Variants in TBX6 observed in about 807,000 individuals in gnomAD.
TBX6 encodes T-box transcription factor 6.
Under a neutral mutation model 42.3 loss-of-function variants are expected in TBX6, and 29 were observed. That is an observed-to-expected ratio of 0.69 (90% CI 0.51 to 0.93). The LOEUF (loss-of-function observed/expected upper bound fraction) is 0.93. Ranked by LOEUF, TBX6 falls within the 40% of genes least tolerant of loss-of-function variation. TBX6 has a pLI of 0.00. For missense variants in TBX6, 569 were observed against 603.3 expected (o/e 0.94, Z 0.59); for synonymous variants, 249 against 245.1 (o/e 1.02, Z -0.15).
In TBX6 at chr16:30,090,931, C is replaced by T. The variant is rs1343460230; in HGVS notation, c.180G>A (p.Leu60=). 6.2e-7 allele frequency: 1 copy of T among 1,613,118 alleles called. No individual in the cohort carries two copies. Among genetic ancestry groups the T allele is most frequent in the South Asian group, 1.1e-5 (1 of 91,060 alleles). The change falls in exon 3 of 9, where the codon CTG becomes CTA. Residue 60 remains leucine (L), a synonymous_variant. Coordinates refer to ENST00000395224, the MANE Select transcript of TBX6 (RefSeq NM_004608.4). ...GAAGGGGCAGAGGTGGGTGCGCGGCCAGGGTGCGGGGAGCAGCCTCCATCC... is the reference window on the plus strand; with the variant it reads ...GAAGGGGCAGAGGTGGGTGCGCGGCTAGGGTGCGGGGAGCAGCCTCCATCC... ...LSGMEAAPRT[L]AAHPPLPLLP...
chr16:30,088,967 G>C lies in TBX6; in HGVS notation c.597C>G (p.Asn199Lys), dbSNP rs2072681128. The change falls in exon 4 of 9, where the codon AAC becomes AAG. Residue 199 changes from asparagine to lysine, a missense_variant. Transcript: ENST00000395224. This position sits in a 1 kb window ranked among gnomAD's most constrained non-coding sequence, Gnocchi z 4.1. The stretch of plus-strand genomic sequence containing the variant: ...CGTGGCCGTGGGGGTCCAGCGTGCT[G>C]TTGGTGAGCTTGACACGATGGAAAG... ...PVSFHRVKLTNSTLDPHGHLI... is the reference protein window; with the variant it reads ...PVSFHRVKLTKSTLDPHGHLI... The C allele has an allele frequency of 6.2e-7, 1 of 1,611,678 alleles. No homozygotes were observed. Among genetic ancestry groups the C allele is most frequent in the Non-Finnish European group, 8.5e-7 (1 of 1,178,250 alleles).
rs188326528 is a variant in TBX6 at position 30,086,062 on chromosome 16, G to T, written c.*163C>A. On this transcript the variant is annotated 3_prime_UTR_variant, in exon 9 of 9. Coordinates refer to ENST00000395224, the MANE Select transcript of TBX6 (RefSeq NM_004608.4). The surrounding 1 kb of genome is among the most constrained non-coding windows in gnomAD (Gnocchi z 4.6). ...GCCTTGGTTAGGCTTTGAAGCCAGA[G>T]GGGGGTGGGAGTGAAATCAAGGTGT... 1 of 664,124 alleles carries T rather than the reference G, an allele frequency of 1.5e-6. No individual in the cohort carries two copies. The highest frequency in any genetic ancestry group is 2.5e-6 in the Non-Finnish European group (1 of 400,818). The allele number at this position is 664,124 out of a possible 1,614,324, so 41.1% of individuals were successfully genotyped here. A position where few individuals can be genotyped will look rare whatever the true frequency, so the allele number is the denominator to read the frequency against.
At position 30,086,405 on chromosome 16, in the gene TBX6, C is replaced by A. The variant is rs1456176053; in HGVS notation, c.1131G>T (p.Gly377=). 6.5e-7 allele frequency: 1 copy of A among 1,548,750 alleles called. No homozygotes were observed. The highest frequency in any genetic ancestry group is 8.7e-7 in the Non-Finnish European group (1 of 1,154,874). Residue 377 remains glycine, a synonymous_variant, in exon 9 of 9, where the codon GGG becomes GGT. Transcript: ENST00000395224. This position sits in a 1 kb window ranked among gnomAD's most constrained non-coding sequence, Gnocchi z 4.6. ...ATGCAGCCGAGTAGGGGGCTGAGCG[C>A]CCGGAGTCTGGAGCCTCCGGGAAGC... ...SPSFPEAPDS[G]RSAPYSAAFL...
In TBX6 at chr16:30,088,903, AC is replaced by A. The variant is rs1014115666; in HGVS notation, c.621+39del. 6.2e-6 allele frequency: 10 copies of A among 1,600,752 alleles called. No individual in the cohort carries two copies. Among genetic ancestry groups the A allele is most frequent in the African/African-American group, 5.4e-5 (4 of 74,616 alleles). On this transcript the variant is annotated intron_variant, in intron 4 of 8. Coordinates refer to ENST00000395224, the MANE Select transcript of TBX6 (RefSeq NM_004608.4). The surrounding 1 kb of genome is among the most constrained non-coding windows in gnomAD (Gnocchi z 4.1). ...CCTCACCCTTGGCCTCCCTTCCAGC[AC>A]CCCCCAACCCTATCCTGGAGTCCCA...
chr16:30,086,636 C>G lies in TBX6; in HGVS notation c.973G>C (p.Glu325Gln). The G allele has an allele frequency of 2.5e-6, 4 of 1,607,110 alleles. No homozygotes were observed. The highest frequency in any genetic ancestry group is 3.4e-6 in the Non-Finnish European group (4 of 1,177,512). ...GCTTCCCCGGGGGCTGGGGCCTGTT[C>G]TGGATCTGATTCACGAATGTCTCCA... ...LGGDIRESDP[E>Q]QAPAPGEATA... The change falls in exon 8 of 9, where the codon GAA (glutamate) becomes CAA (glutamine). Residue 325 changes from glutamate (E) to glutamine (Q), a missense_variant. By Grantham distance (29) the Glu-to-Gln change is conservative. This residue lies in a region of TBX6 where 245 missense variants were observed against 227.4 expected (regional missense o/e 1.08). Transcript: ENST00000395224. The surrounding 1 kb of genome is among the most constrained non-coding windows in gnomAD (Gnocchi z 4.6).
chr16:30,087,930 TTTTC>T (rs1175098184), intron 6 of TBX6: 4 of 139,026 alleles, frequency 2.9e-5, no homozygotes, highest in African/African-American at 5.1e-5. Flanking sequence ...CAGAGTTTTC[TTTTC>T]TTTCTTTTTT....
rs746661158 is a variant in TBX6 at position 30,088,870 on chromosome 16, G to GC, written c.622-32dup. On this transcript the variant is annotated intron_variant, in intron 4 of 8. Coordinates refer to ENST00000395224, the MANE Select transcript of TBX6 (RefSeq NM_004608.4). This position sits in a 1 kb window ranked among gnomAD's most constrained non-coding sequence, Gnocchi z 4.1. ...AGGGAGGAAATGGGAGTGATTCCCT[G>GC]CCCTGCGCCTCACCCTTGGCCTCCC... is the stretch of plus-strand genomic sequence containing the variant. 29 of 1,609,298 alleles carry GC rather than the reference G, an allele frequency of 1.8e-5. No homozygotes were observed. Among genetic ancestry groups the GC allele is most frequent in the Non-Finnish European group, 2.5e-5 (29 of 1,176,230 alleles).
At position 30,088,284 on chromosome 16, in the gene TBX6, T is replaced by G. The variant is rs2072669524; in HGVS notation, c.839+261A>C. 1.9e-6 allele frequency: 1 copy of G among 524,008 alleles called. No individual in the cohort carries two copies. Among genetic ancestry groups the G allele is most frequent in the Admixed American group, 3.2e-5 (1 of 31,296 alleles). 32.5% of individuals were successfully genotyped at this position (524,008 alleles called of 1,614,324 possible). A position where few individuals can be genotyped will look rare whatever the true frequency, so the allele number is the denominator to read the frequency against. On this transcript the variant is annotated intron_variant, in intron 6 of 8. Coordinates refer to ENST00000395224, the MANE Select transcript of TBX6 (RefSeq NM_004608.4). The surrounding 1 kb of genome is among the most constrained non-coding windows in gnomAD (Gnocchi z 4.1). ...TCCTAACAGATGACATTTTATTTAT[T>G]TCTCTTGTCTGCTTGTCTACTCTCC... is the stretch of plus-strand genomic sequence containing the variant.
In TBX6 at chr16:30,088,379, AACTGTCCCTGGCACATAGCAGGT is replaced by A. The variant is rs2072670980; in HGVS notation, c.839+143_839+165del. On this transcript the variant is annotated intron_variant, in intron 6 of 8. Transcript: ENST00000395224. This position sits in a 1 kb window ranked among gnomAD's most constrained non-coding sequence, Gnocchi z 4.1. ...TGTTTGTTTTATCTCCAGTGCCTGG[AACTGTCCCTGGCACATAGCAGGT>A]ACTATATAAGTATTTGCTGAGTCAG... 2 of 970,488 alleles carry A rather than the reference AACTGTCCCTGGCACATAGCAGGT, an allele frequency of 2.1e-6. No homozygotes were observed. The highest frequency in any genetic ancestry group is 1.6e-6 in the Non-Finnish European group (1 of 639,262). The allele number at this position is 970,488 out of a possible 1,614,324, so 60.1% of individuals were successfully genotyped here.
chr16:30,085,923 G>A lies in TBX6; in HGVS notation c.*302C>T, dbSNP rs1404934987. ...GAGCCCCTCCAGAGCCCATGGGGAG[G>A]CCTGGTAAGTGGGGATGCTGGTCTG... On this transcript the variant is annotated 3_prime_UTR_variant, in exon 9 of 9. Coordinates refer to ENST00000395224, the MANE Select transcript of TBX6 (RefSeq NM_004608.4). 2.4e-6 allele frequency: 1 copy of A among 411,942 alleles called. No individual in the cohort carries two copies. Among genetic ancestry groups the A allele is most frequent in the Non-Finnish European group, 4.4e-6 (1 of 229,542 alleles). The allele number at this position is 411,942 out of a possible 1,614,324, so 25.5% of individuals were successfully genotyped here. A position where few individuals can be genotyped will look rare whatever the true frequency, so the allele number is the denominator to read the frequency against.
rs1274399321 is a variant in TBX6 at position 30,086,913 on chromosome 16, C to T, written c.840-62G>A. 1 of 1,563,646 alleles carries T rather than the reference C, an allele frequency of 6.4e-7. No homozygotes were observed. Among genetic ancestry groups the T allele is most frequent in the Non-Finnish European group, 8.7e-7 (1 of 1,154,968 alleles). The stretch of plus-strand genomic sequence containing the variant: ...GATGGCCATGGTGATGGTAACAGTA[C>T]TTACCCGGTGCCAGGCATTTCACCC... On this transcript the variant is annotated intron_variant, in intron 6 of 8. Transcript: ENST00000395224. The surrounding 1 kb of genome is among the most constrained non-coding windows in gnomAD (Gnocchi z 4.6).
rs2072680785 is a variant in TBX6 at position 30,088,953 on chromosome 16, G to A, written c.611C>T (p.Pro204Leu). ...RVKLTNSTLDPHGHLILHSMH... is the reference protein window; with the variant it reads ...RVKLTNSTLDLHGHLILHSMH... ...CAGCCTGGGCCTCACGTGGCCGTGG[G>A]GGTCCAGCGTGCTGTTGGTGAGCTT... is the stretch of plus-strand genomic sequence containing the variant. The change falls in exon 4 of 9, where the codon CCC (proline) becomes CTC (leucine). Residue 204 changes from proline (P) to leucine (L), a missense_variant. Pro to Leu is a moderately conservative substitution (Grantham distance 98). Transcript: ENST00000395224. The surrounding 1 kb of genome is among the most constrained non-coding windows in gnomAD (Gnocchi z 4.1). 1.2e-6 allele frequency: 2 copies of A among 1,607,972 alleles called. No homozygotes were observed. Among genetic ancestry groups the A allele is most frequent in the Non-Finnish European group, 1.7e-6 (2 of 1,175,188 alleles).
rs1484056387 is a variant in TBX6 at position 30,088,570 on chromosome 16, G to A, written c.814C>T (p.Arg272Trp). Residue 272 changes from arginine to tryptophan, a missense_variant, in exon 6 of 9, where the codon CGG becomes TGG. By Grantham distance (101) the Arg-to-Trp change is moderately radical. Around this residue, in one of 3 missense-constraint regions of TBX6, gnomAD observed 190 missense variants for 250.6 expected, o/e 0.76. Transcript: ENST00000395224. The surrounding 1 kb of genome is among the most constrained non-coding windows in gnomAD (Gnocchi z 4.1). Reference sequence around the variant, plus strand: ...CTCTTACAGTTTCTGCCGTTCTCCCGGAAGCCTTTGGCAAAGGGATTGGCT... The same window carrying A: ...CTCTTACAGTTTCTGCCGTTCTCCCAGAAGCCTTTGGCAAAGGGATTGGCT... ...IAANPFAKGF[R>W]ENGRNCKRER... 4 of 1,614,146 alleles carry A rather than the reference G, an allele frequency of 2.5e-6. No individual in the cohort carries two copies. Among genetic ancestry groups the A allele is most frequent in the Non-Finnish European group, 3.4e-6 (4 of 1,180,018 alleles).
Position 30,091,160 on chromosome 16 carries a change from C to G in TBX6, c.34G>C (p.Gly12Arg), listed in dbSNP as rs542276510. Residue 12 changes from glycine to arginine, a missense_variant, in exon 2 of 9, where the codon GGG becomes CGG. Physicochemically the swap from Gly to Arg is moderately radical, Grantham distance 125. Around this residue, in one of 3 missense-constraint regions of TBX6, gnomAD observed 134 missense variants for 125.3 expected, o/e 1.07. Coordinates refer to ENST00000395224, the MANE Select transcript of TBX6 (RefSeq NM_004608.4). The part of the protein sequence containing the change: ...YHPRELYPSL[G>R]AGYRLGPAQP... Reference sequence around the variant, plus strand: ...GCGGGCCCCAGGCGGTAGCCGGCCCCCAGGGACGGGTACAATTCTCGTGGA... The same window carrying G: ...GCGGGCCCCAGGCGGTAGCCGGCCCGCAGGGACGGGTACAATTCTCGTGGA... 1.3e-4 allele frequency: 208 copies of G among 1,593,862 alleles called. No homozygotes were observed. Among genetic ancestry groups the G allele is most frequent in the Non-Finnish European group, 1.7e-4 (203 of 1,172,244 alleles).
At position 30,086,115 on chromosome 16, in the gene TBX6, C is replaced by T; in HGVS notation, c.*110G>A. ...AGTTGAGGGGGTGGGTGGGCAGGCCCAAGGCGGCCATTTGGTGTGGGGGAT... is the reference window on the plus strand; with the variant it reads ...AGTTGAGGGGGTGGGTGGGCAGGCCTAAGGCGGCCATTTGGTGTGGGGGAT... On this transcript the variant is annotated 3_prime_UTR_variant, in exon 9 of 9. Coordinates refer to ENST00000395224, the MANE Select transcript of TBX6 (RefSeq NM_004608.4). The surrounding 1 kb of genome is among the most constrained non-coding windows in gnomAD (Gnocchi z 4.6). The T allele has an allele frequency of 1.8e-6, 2 of 1,138,562 alleles. No homozygotes were observed. The highest frequency in any genetic ancestry group is 1.2e-6 in the Non-Finnish European group (1 of 821,968). 70.5% of individuals were successfully genotyped at this position (1,138,562 alleles called of 1,614,324 possible).
intron 6 of TBX6, 164 bp from the exon 7 acceptor site, chr16:30,087,015 ATAAC>A (rs2072645036): frequency 1.3e-6 from 1 of 769,430 alleles, no homozygotes; most frequent in Admixed American, 2.9e-5. Flanking sequence ...AGAAAATTAA[ATAAC>A]TAGAAAGTGG....
In TBX6 at chr16:30,086,399, T is replaced by C; in HGVS notation, c.1137A>G (p.Ser379=). 6.4e-7 allele frequency: 1 copy of C among 1,554,980 alleles called. No homozygotes were observed. The highest frequency in any genetic ancestry group is 8.6e-7 in the Non-Finnish European group (1 of 1,158,316). ...SFPEAPDSGR[S]APYSAAFLEL... ...CCAGAAATGCAGCCGAGTAGGGGGC[T>C]GAGCGCCCGGAGTCTGGAGCCTCCG... Residue 379 remains serine, a synonymous_variant, in exon 9 of 9, where the codon TCA becomes TCG. Transcript: ENST00000395224. This position sits in a 1 kb window ranked among gnomAD's most constrained non-coding sequence, Gnocchi z 4.6.
At position 30,088,241 on chromosome 16, in the gene TBX6, C is replaced by T; in HGVS notation, c.839+304G>A. The stretch of plus-strand genomic sequence containing the variant: ...GCGTGAGCCACCACACCTGGTCTCT[C>T]TTCTCTTTAGAATGGCTTCCTAACA... On this transcript the variant is annotated intron_variant, in intron 6 of 8. Transcript: ENST00000395224. The surrounding 1 kb of genome is among the most constrained non-coding windows in gnomAD (Gnocchi z 4.1). The T allele has an allele frequency of 2.4e-6, 1 of 409,274 alleles. No individual in the cohort carries two copies. Among genetic ancestry groups the T allele is most frequent in the South Asian group, 2.1e-5 (1 of 46,554 alleles). 25.4% of individuals were successfully genotyped at this position (409,274 alleles called of 1,614,324 possible). A position where few individuals can be genotyped will look rare whatever the true frequency, so the allele number is the denominator to read the frequency against.
chr16:30,086,441 G>A lies in TBX6; in HGVS notation c.1098-3C>T, dbSNP rs771802676. On this transcript the variant is annotated splice_polypyrimidine_tract_variant and splice_region_variant and intron_variant, in intron 8 of 8. Coordinates refer to ENST00000395224, the MANE Select transcript of TBX6 (RefSeq NM_004608.4). This position sits in a 1 kb window ranked among gnomAD's most constrained non-coding sequence, Gnocchi z 4.6. ...GAGCCTCCGGGAAGCTGGGGCTCCT[G>A]ACATGGAGAGAGGGATGTCAGAGCA... 3.3e-6 allele frequency: 5 copies of A among 1,506,768 alleles called. No homozygotes were observed. The East Asian group carries it at 7.3e-5, about 22-fold the overall frequency. 93.3% of individuals were successfully genotyped at this position (1,506,768 alleles called of 1,614,324 possible).
Sources: gnomAD v4.1 joint callset for allele counts on GRCh38, gnomAD v4.1.1 for gene constraint, gnomAD v4.1.1 regional missense constraint, Gnocchi (gnomAD v3.1) non-coding constraint, MANE v1.5 for transcripts, NCBI Gene and HGNC (gene_info 2026-07-23, HGNC 2026-07-21) for gene names.